ZNF607: variants seen among roughly 807,000 people sequenced by gnomAD.
The protein encoded by ZNF607 is zinc finger protein 607.
In ZNF607, 5 loss-of-function variants were observed where a neutral mutation model predicts 12.8. The observed-to-expected ratio is 0.39, with a 90% confidence interval of 0.20 to 0.82. The LOEUF (loss-of-function observed/expected upper bound fraction) is 0.82. Among genes scored for constraint, ZNF607 ranks in the 40% least tolerant of loss-of-function variants. ZNF607 has a pLI of 0.39. For missense variants in ZNF607, 851 were observed against 859.2 expected (o/e 0.99, Z 0.12); for synonymous variants, 287 against 276.2 (o/e 1.04, Z -0.39).
In ZNF607 at chr19:37,708,023, A is replaced by G. The variant is rs1392771752; in HGVS notation, c.137-11T>C. ...ATACGGAATGTCCTGCTTACAAAGA[A>G]AAGAAGTGCCACAAAATACGGAAAT... On this transcript the variant is annotated splice_polypyrimidine_tract_variant and intron_variant, in intron 3 of 4. Coordinates refer to ENST00000355202, the MANE Select transcript of ZNF607 (RefSeq NM_032689.5). 1.3e-6 allele frequency: 2 copies of G among 1,592,258 alleles called. No individual in the cohort carries two copies. Among genetic ancestry groups the G allele is most frequent in the Non-Finnish European group, 1.7e-6 (2 of 1,171,686 alleles).
chr19:37,710,478 A>AAAAGG (rs71970871), intron 2 of ZNF607, among the ~76,000 whole-genome samples: 1 of 12,270 alleles, frequency 8.1e-5, no homozygotes, highest in Non-Finnish European at 4.2e-4. Context: ...AAAAAAAAAA[A>AAAAGG]AAAGAAAAGA....
intron 1 of ZNF607, among the ~76,000 whole-genome samples, chr19:37,714,745 C>T (rs890022703): frequency 2.0e-5 from 3 of 151,830 alleles, no homozygotes; most frequent in Non-Finnish European, 2.9e-5. Flanking sequence ...TCCTACTTAA[C>T]GAGACAGTTC....
chr19:37,697,655 CT>C lies in ZNF607; in HGVS notation c.*384del. Reference sequence around the variant, plus strand: ...TCAACAGAGGTTTCCTGTGTAATGGCTTTTTCCAGGTTTAACAATAAATGAT... The same window carrying C: ...TCAACAGAGGTTTCCTGTGTAATGGCTTTTCCAGGTTTAACAATAAATGAT... On this transcript the variant is annotated 3_prime_UTR_variant, in exon 5 of 5. Coordinates refer to ENST00000355202, the MANE Select transcript of ZNF607 (RefSeq NM_032689.5). 3 of 328,870 alleles carry C rather than the reference CT, an allele frequency of 9.1e-6. No individual in the cohort carries two copies. The highest frequency in any genetic ancestry group is 1.1e-5 in the Non-Finnish European group (2 of 178,560). The allele number at this position is 328,870 out of a possible 1,614,324, so 20.4% of individuals were successfully genotyped here. A position where few individuals can be genotyped will look rare whatever the true frequency, so the allele number is the denominator to read the frequency against.
In ZNF607 at chr19:37,699,193, T is replaced by A; in HGVS notation, c.938A>T (p.Glu313Val). The change falls in exon 5 of 5, where the codon GAA becomes GTA. Residue 313 changes from glutamate to valine, a missense_variant. Glu to Val is a moderately radical substitution (Grantham distance 121). Coordinates refer to ENST00000355202, the MANE Select transcript of ZNF607 (RefSeq NM_032689.5). ...CCTACATGTAAAGCCCTTCCCGCAT[T>A]CCTTGCATTCATAGGGTTTTTCTCC... The part of the protein sequence containing the change: ...HTGEKPYECK[E>V]CGKGFTCRYQ... 6.2e-7 allele frequency: 1 copy of A among 1,614,192 alleles called. No homozygotes were observed. Among genetic ancestry groups the A allele is most frequent in the South Asian group, 1.1e-5 (1 of 91,086 alleles).
chr19:37,710,493 C>T (rs1426757880), intron 2 of ZNF607, among the ~76,000 whole-genome samples: 3 of 84,532 alleles, frequency 3.5e-5, no homozygotes, highest in East Asian at 2.6e-4. Context: ...AAAAGAAAAA[C>T]GAAAATGGAG....
intron 2 of ZNF607, among the ~76,000 whole-genome samples, chr19:37,710,826 A>G (rs943566264): frequency 1.3e-5 from 2 of 152,218 alleles, no homozygotes; most frequent in Non-Finnish European, 2.9e-5. Flanking sequence ...TAAACTTTTA[A>G]TCAAGAGATG....
rs754110728 is a variant in ZNF607 at position 37,707,898 on chromosome 19, C to A, written c.235+16G>T. ...TTGCATACAAAAATGGCTGCCCCTG[C>A]CTGACTTGCTCTTACCTGTACACTC... On this transcript the variant is annotated intron_variant, in intron 4 of 4. Transcript: ENST00000355202. The A allele has an allele frequency of 6.2e-7, 1 of 1,600,512 alleles. No homozygotes were observed. The highest frequency in any genetic ancestry group is 8.5e-7 in the Non-Finnish European group (1 of 1,173,916).
In ZNF607 at chr19:37,702,539, C is replaced by T. The variant is rs896574991; in HGVS notation, c.236-2644G>A. 7.2e-5 allele frequency among the ~76,000 whole-genome samples: 11 copies of T among 152,118 alleles called. No individual in the cohort carries two copies. In the East Asian group the frequency reaches 1.2e-3, roughly 16 times the overall value. ...AGCAAATTAGTTTGTTGCCATCAGACTTACTATACAAAAAATGCTAACAAG... is the reference window on the plus strand; with the variant it reads ...AGCAAATTAGTTTGTTGCCATCAGATTTACTATACAAAAAATGCTAACAAG... On this transcript the variant is annotated intron_variant, in intron 4 of 4. Transcript: ENST00000355202.
intron 1 of ZNF607, among the ~76,000 whole-genome samples, chr19:37,711,969 G>C (rs2045137327): frequency 1.3e-5 from 2 of 152,226 alleles, no homozygotes; most frequent in Admixed American, 1.3e-4. Context: ...TGGTGAGGCA[G>C]ATGGGGACCT....
chr19:37,707,427 G>C (rs1201685222), intron 4 of ZNF607, among the ~76,000 whole-genome samples: 3 of 152,198 alleles, frequency 2.0e-5, no homozygotes, highest in Admixed American at 2.0e-4. Context: ...CTGGGTGACA[G>C]AGTGAGACCT....
intron 1 of ZNF607, among the ~76,000 whole-genome samples, chr19:37,717,806 C>CAAAAA (rs57152044): frequency 2.1e-4 from 14 of 67,092 alleles, no homozygotes; most frequent in South Asian, 6.5e-4. Flanking sequence ...AACTCAGTCT[C>CAAAAA]AAAAAAAAAA....
In ZNF607 at chr19:37,707,822, T is replaced by C. The variant is rs180825115; in HGVS notation, c.235+92A>G. On this transcript the variant is annotated intron_variant, in intron 4 of 4. Transcript: ENST00000355202. Reference sequence around the variant, plus strand: ...GCTGAGAAGGGAAATTTATGACCAATGTTTCAAGGATGCGTTTACCAAATG... The same window carrying C: ...GCTGAGAAGGGAAATTTATGACCAACGTTTCAAGGATGCGTTTACCAAATG... 4.9e-4 allele frequency: 460 copies of C among 930,696 alleles called. 7 individuals carry two copies. The Admixed American group carries it at 9.8e-3, about 20-fold the overall frequency. The allele number at this position is 930,696 out of a possible 1,614,324, so 57.7% of individuals were successfully genotyped here.
Position 37,698,672 on chromosome 19 carries a change from T to A in ZNF607, c.1459A>T (p.Ser487Cys), listed in dbSNP as rs749145859. ...TGTATAGTGAGTTTATGGCTATAACTAAAACCCTTCCCACACTCTTGACAT... is the reference window on the plus strand; with the variant it reads ...TGTATAGTGAGTTTATGGCTATAACAAAAACCCTTCCCACACTCTTGACAT... ...YVCQECGKGF[S>C]YSHKLTIHRR... Residue 487 changes from serine to cysteine, a missense_variant, in exon 5 of 5, where the codon AGT (serine) becomes TGT (cysteine). Physicochemically the swap from Ser to Cys is moderately radical, Grantham distance 112. Coordinates refer to ENST00000355202, the MANE Select transcript of ZNF607 (RefSeq NM_032689.5). The A allele has an allele frequency of 3.1e-6, 5 of 1,613,964 alleles. No individual in the cohort carries two copies. The highest frequency in any genetic ancestry group is 4.2e-6 in the Non-Finnish European group (5 of 1,179,946).
intron 4 of ZNF607, among the ~76,000 whole-genome samples, chr19:37,706,800 C>G (rs1276161895): frequency 6.6e-6 from 1 of 152,068 alleles, no homozygotes; most frequent in Non-Finnish European, 1.5e-5. Flanking sequence ...AAGTGATCCT[C>G]CCACCTTAGC....
chr19:37,697,099 G>A lies in ZNF607; in HGVS notation c.*941C>T. Reference sequence around the variant, plus strand: ...ATGCTGGTGAAGATGCGAGGAAGCTGGCTAGTGATGGGCCGGAAGAGGATG... The same window carrying A: ...ATGCTGGTGAAGATGCGAGGAAGCTAGCTAGTGATGGGCCGGAAGAGGATG... On this transcript the variant is annotated 3_prime_UTR_variant, in exon 5 of 5. Transcript: ENST00000355202. 1.3e-6 allele frequency: 1 copy of A among 745,648 alleles called. No homozygotes were observed. The highest frequency in any genetic ancestry group is 1.4e-5 in the South Asian group (1 of 73,206). 46.2% of individuals were successfully genotyped at this position (745,648 alleles called of 1,614,324 possible).
In ZNF607 at chr19:37,697,880, T is replaced by C; in HGVS notation, c.*160A>G. 1.6e-6 allele frequency: 1 copy of C among 623,808 alleles called. No homozygotes were observed. Among genetic ancestry groups the C allele is most frequent in the Non-Finnish European group, 2.7e-6 (1 of 373,822 alleles). 38.6% of individuals were successfully genotyped at this position (623,808 alleles called of 1,614,324 possible). ...TACCAAAGAAACTGCATATATGATT[T>C]ACATTTTGAAAAGTTCACACCAATA... On this transcript the variant is annotated 3_prime_UTR_variant, in exon 5 of 5. Coordinates refer to ENST00000355202, the MANE Select transcript of ZNF607 (RefSeq NM_032689.5).
chr19:37,718,528 C>T (rs1390603271), intron 1 of ZNF607, among the ~76,000 whole-genome samples: 2 of 152,056 alleles, frequency 1.3e-5, no homozygotes, highest in African/African-American at 4.8e-5. Flanking sequence ...GAGGTGGGGG[C>T]GGAGTAACAA....
In ZNF607 at chr19:37,710,809, G is replaced by T. The variant is rs117063883; in HGVS notation, c.9+801C>A. On this transcript the variant is annotated intron_variant, in intron 2 of 4. Coordinates refer to ENST00000355202, the MANE Select transcript of ZNF607 (RefSeq NM_032689.5). ...AACTGAGGAATATTTTGACTTGGAA[G>T]AGAATTTAAACTTTTAATCAAGAGA... 6.0e-3 allele frequency among the ~76,000 whole-genome samples: 917 copies of T among 152,288 alleles called. 5 individuals are homozygous for T. The highest frequency in any genetic ancestry group is 9.6e-3 in the Non-Finnish European group (650 of 68,022).
At chr19:37,705,518 C>G (rs753169025) in intron 4 of ZNF607, among the ~76,000 whole-genome samples, 12 of 151,948 alleles carry the variant, frequency 7.9e-5, no homozygotes, top group African/African-American at 2.7e-4. Context: ...GACCCTGTCT[C>G]TACTAAAAAT....
Sources: allele counts gnomAD v4.1 joint callset (sites outside exome capture counted in the v4.1 genomes callset), GRCh38; gene constraint gnomAD v4.1.1; transcripts MANE v1.5; gene names NCBI Gene and HGNC (gene_info 2026-07-23, HGNC 2026-07-21).